GTSE1: variants seen among roughly 807,000 people sequenced by gnomAD.
GTSE1 encodes G2 and S-phase expressed 1.
A neutral mutation model predicts 60.5 loss-of-function variants in GTSE1; 52 were observed. That is an observed-to-expected ratio of 0.86 (90% CI 0.69 to 1.08). The LOEUF (loss-of-function observed/expected upper bound fraction) is 1.08, where lower values mean the gene tolerates loss of function less well. Ranked by LOEUF, GTSE1 falls within the 50% of genes least tolerant of loss-of-function variation. The probability of loss-of-function intolerance (pLI) is 0.00; values close to 1 mark genes in which losing one functional copy is unlikely to be tolerated. For synonymous variants in GTSE1, 368 were observed against 386.5 expected (o/e 0.95, Z 0.56); for missense variants, 937 against 961.8 (o/e 0.97, Z 0.34).
In GTSE1 at chr22:46,297,461, G is replaced by A. The variant is rs1475047167; in HGVS notation, c.61G>A (p.Asp21Asn). Reference sequence around the variant, plus strand: ...CTGCCGGGCAGGGGACGTGAACATGGATGACCCTAAGAAGGAAGGCAAGTC... The same window carrying A: ...CTGCCGGGCAGGGGACGTGAACATGAATGACCCTAAGAAGGAAGGCAAGTC... Reference protein sequence around the residue: ...SACRAGDVNMDDPKKEDILLL... With the variant: ...SACRAGDVNMNDPKKEDILLL... The change falls in exon 2 of 12, where the codon GAT becomes AAT. Residue 21 changes from aspartate (D) to asparagine (N), a missense_variant. Coordinates refer to ENST00000454366, the MANE Select transcript of GTSE1 (RefSeq NM_016426.7). The surrounding 1 kb of genome is among the most constrained non-coding windows in gnomAD (Gnocchi z 4.9). 1.9e-6 allele frequency: 3 copies of A among 1,613,026 alleles called. No individual in the cohort carries two copies. In the African/African-American group the frequency reaches 4.0e-5, roughly 22 times the overall value.
At chr22:46,311,072 T>C (rs1402921160) in intron 4 of GTSE1, among the ~76,000 whole-genome samples, 1 of 151,790 alleles carries the variant, frequency 6.6e-6, no homozygotes, top group Non-Finnish European at 1.5e-5. Context: ...GTTTTTTTTT[T>C]TGTTTTGTTT....
chr22:46,301,866 C>T lies in GTSE1; in HGVS notation c.79+4387C>T, dbSNP rs1053256632. Among the ~76,000 whole-genome samples the T allele has an allele frequency of 2.0e-5, 3 of 152,172 alleles. 1 individual carries two copies. The highest frequency in any genetic ancestry group is 6.3e-3 in the Middle Eastern group (2 of 316). On this transcript the variant is annotated intron_variant, in intron 2 of 11. Transcript: ENST00000454366. ...TGTTTCGGCCAGGTGCGGTGGCTTG[C>T]GCCTGTCATCCCAACACTTTGGGAG...
At chr22:46,326,271 C>T (rs1487638884) in intron 8 of GTSE1, among the ~76,000 whole-genome samples, 165 bp from the exon 9 acceptor site, 4 of 152,168 alleles carry the variant, frequency 2.6e-5, no homozygotes, top group Admixed American at 6.5e-5. Context: ...GAGCCTTGCC[C>T]GCCTTGGGGC....
rs1349278777 is a variant in GTSE1, at chr22:46,308,823, G to A, written c.642G>A (p.Arg214=). ...CGCACTCTGCTCATGCTTTGCCCAG[G>A]GAATCATGCACTGCTCATGCTGCAA... ...GPPHSAHALP[R]ESCTAHAASQ... is the part of the protein sequence containing the mutation. The change falls in exon 4 of 12, where the codon AGG becomes AGA. Residue 214 remains arginine, a synonymous_variant. Transcript: ENST00000454366. The A allele has an allele frequency of 3.1e-6, 5 of 1,613,166 alleles. No homozygotes were observed. The highest frequency in any genetic ancestry group is 1.3e-5 in the African/African-American group (1 of 74,942).
Position 46,321,848 on chromosome 22 carries a change from G to A in GTSE1, c.1433-1342G>A, listed in dbSNP as rs1295129247. On this transcript the variant is annotated intron_variant, in intron 7 of 11. Transcript: ENST00000454366. This position sits in a 1 kb window ranked among gnomAD's most constrained non-coding sequence, Gnocchi z 4.0. ...CCAGCACTTTGGGAGGCCGAGGCGG[G>A]CAATCACTTGAGGTCAGGAGTTCAA... 6.6e-6 allele frequency among the ~76,000 whole-genome samples: 1 copy of A among 152,250 alleles called. No homozygotes were observed. Among genetic ancestry groups the A allele is most frequent in the East Asian group, 1.9e-4 (1 of 5,176 alleles).
chr22:46,321,909 A>G lies in GTSE1; in HGVS notation c.1433-1281A>G, dbSNP rs112179058. Among the ~76,000 whole-genome samples, 3,574 of 152,102 alleles carry G rather than the reference A, an allele frequency of 0.023. 53 individuals are homozygous for G. The highest frequency in any genetic ancestry group is 0.029 in the Non-Finnish European group (2,003 of 67,972). ...GCCAACATGGCAAAACCCTGTCTCT[A>G]CTAACAATACAAAAATTATCCGGGC... is the stretch of plus-strand genomic sequence containing the variant. On this transcript the variant is annotated intron_variant, in intron 7 of 11. Coordinates refer to ENST00000454366, the MANE Select transcript of GTSE1 (RefSeq NM_016426.7). This position sits in a 1 kb window ranked among gnomAD's most constrained non-coding sequence, Gnocchi z 4.0.
chr22:46,297,625 C>G lies in GTSE1; in HGVS notation c.79+146C>G, dbSNP rs2077664983. ...AACACATGACATCTGCCTTCGTTTT[C>G]TGGTTTTCTTTCACCTCCTCCCCAT... On this transcript the variant is annotated intron_variant, in intron 2 of 11. Transcript: ENST00000454366. The surrounding 1 kb of genome is among the most constrained non-coding windows in gnomAD (Gnocchi z 4.9). 1.6e-6 allele frequency: 1 copy of G among 625,152 alleles called. No homozygotes were observed. The highest frequency in any genetic ancestry group is 1.9e-5 in the African/African-American group (1 of 53,976). 38.7% of individuals were successfully genotyped at this position (625,152 alleles called of 1,614,324 possible).
rs2077778258 is a variant in GTSE1 at position 46,316,144 on chromosome 22, C to T, written c.1164C>T (p.Gly388=). The part of the protein sequence containing the change: ...PAMLRPALPA[G]PVGASSWQAK... ...TGCTGCGGCCAGCTCTGCCTGCAGG[C>T]CCTGTGGGGGCATCCTCCTGGCAGG... The change falls in exon 7 of 12, where the codon GGC becomes GGT. Residue 388 remains glycine (G), a synonymous_variant. Transcript: ENST00000454366. This position sits in a 1 kb window ranked among gnomAD's most constrained non-coding sequence, Gnocchi z 5.0. 3 of 1,610,898 alleles carry T rather than the reference C, an allele frequency of 1.9e-6. No individual in the cohort carries two copies. In the African/African-American group the frequency reaches 4.0e-5, roughly 22 times the overall value.
In GTSE1 at chr22:46,326,634, C is replaced by G; in HGVS notation, c.1704C>G (p.Pro568=). ...CAGCTCGGAGACGTTCCTCTGAGCC[C>G]CGCAAGAACTCTGCAATGAGGTAAG... ...CVPARRRSSE[P]RKNSAMRTEP... Residue 568 remains proline, a synonymous_variant, in exon 9 of 12, where the codon CCC becomes CCG. Coordinates refer to ENST00000454366, the MANE Select transcript of GTSE1 (RefSeq NM_016426.7). 1.2e-6 allele frequency: 2 copies of G among 1,610,052 alleles called. No individual in the cohort carries two copies. The highest frequency in any genetic ancestry group is 1.7e-6 in the Non-Finnish European group (2 of 1,177,700).
In GTSE1 at chr22:46,324,537, T is replaced by G. The variant is rs951006848; in HGVS notation, c.1505+1275T>G. 4.6e-5 allele frequency among the ~76,000 whole-genome samples: 7 copies of G among 151,928 alleles called. No individual in the cohort carries two copies. The highest frequency in any genetic ancestry group is 1.7e-4 in the African/African-American group (7 of 41,326). On this transcript the variant is annotated intron_variant, in intron 8 of 11. Transcript: ENST00000454366. The surrounding 1 kb of genome is among the most constrained non-coding windows in gnomAD (Gnocchi z 5.2). ...CGCCCGCCACCACGCCCGGCTAAGT[T>G]TTTGTATTTTTAGTAGAGACGGGGT...
In GTSE1 at chr22:46,308,142, C is replaced by G; in HGVS notation, c.80-8C>G. 1 of 1,595,802 alleles carries G rather than the reference C, an allele frequency of 6.3e-7. No individual in the cohort carries two copies. Among genetic ancestry groups the G allele is most frequent in the Non-Finnish European group, 8.6e-7 (1 of 1,164,318 alleles). Reference sequence around the variant, plus strand: ...GCACTAAAATAACAGTGGATTTTTTCCCTCTAGACATTCTTCTTTTGGCCG... The same window carrying G: ...GCACTAAAATAACAGTGGATTTTTTGCCTCTAGACATTCTTCTTTTGGCCG... On this transcript the variant is annotated splice_region_variant and splice_polypyrimidine_tract_variant and intron_variant, in intron 2 of 11. Coordinates refer to ENST00000454366, the MANE Select transcript of GTSE1 (RefSeq NM_016426.7).
chr22:46,308,811 T>C lies in GTSE1; in HGVS notation c.630T>C (p.His210=). The stretch of plus-strand genomic sequence containing the variant: ...CGCCGGGGCCTCCGCACTCTGCTCA[T>C]GCTTTGCCCAGGGAATCATGCACTG... ...TRAPGPPHSA[H]ALPRESCTAH... is the part of the protein sequence containing the mutation. Residue 210 remains histidine, a synonymous_variant, in exon 4 of 12, where the codon CAT becomes CAC. Transcript: ENST00000454366. 2 of 1,613,286 alleles carry C rather than the reference T, an allele frequency of 1.2e-6. No individual in the cohort carries two copies. The highest frequency in any genetic ancestry group is 1.7e-6 in the Non-Finnish European group (2 of 1,180,004).
intron 9 of GTSE1, 24 bp downstream of exon 9, chr22:46,326,678 A>C: frequency 6.5e-7 from 1 of 1,536,520 alleles, no homozygotes; most frequent in Non-Finnish European, 8.9e-7. Flanking sequence ...GTGGTAATAA[A>C]TTGGTCTCAA....
rs1434298982 is a variant in GTSE1, at chr22:46,313,183, A to C, written c.928-707A>C. On this transcript the variant is annotated intron_variant, in intron 5 of 11. Coordinates refer to ENST00000454366, the MANE Select transcript of GTSE1 (RefSeq NM_016426.7). This position sits in a 1 kb window ranked among gnomAD's most constrained non-coding sequence, Gnocchi z 4.4. ...ACCCTGTCTAAAAAAAAAAAAAAAAAAAAGGAAAAGAAAGAAAATTGCGGT... is the reference window on the plus strand; with the variant it reads ...ACCCTGTCTAAAAAAAAAAAAAAAACAAAGGAAAAGAAAGAAAATTGCGGT... Among the ~76,000 whole-genome samples the C allele has an allele frequency of 6.6e-6, 1 of 151,812 alleles. No homozygotes were observed. The highest frequency in any genetic ancestry group is 1.5e-5 in the Non-Finnish European group (1 of 67,926).
chr22:46,328,812 T>C lies in GTSE1; in HGVS notation c.1849T>C (p.Ser617Pro), dbSNP rs770711712. 1 of 1,614,034 alleles carries C rather than the reference T, an allele frequency of 6.2e-7. No individual in the cohort carries two copies. Among genetic ancestry groups the C allele is most frequent in the South Asian group, 1.1e-5 (1 of 91,082 alleles). Residue 617 changes from serine (S) to proline (P), a missense_variant, in exon 10 of 12, where the codon TCT (serine) becomes CCT (proline). Coordinates refer to ENST00000454366, the MANE Select transcript of GTSE1 (RefSeq NM_016426.7). ...ALNFSPEESD[S>P]TFSKSTATEV... ...TAACTTTTCTCCAGAGGAAAGCGAT[T>C]CTACTTTCTCCAAAAGTACTGCCAC... is the stretch of plus-strand genomic sequence containing the variant.
At chr22:46,306,454 T>C (rs2077715885) in intron 2 of GTSE1, among the ~76,000 whole-genome samples, 1 of 150,978 alleles carries the variant, frequency 6.6e-6, no homozygotes, top group East Asian at 2.0e-4. Context: ...GTGCTGGGAT[T>C]ACAGGCGTGA....
In GTSE1 at chr22:46,314,114, G is replaced by C. The variant is rs2077765120; in HGVS notation, c.1051+101G>C. On this transcript the variant is annotated intron_variant, in intron 6 of 11. Coordinates refer to ENST00000454366, the MANE Select transcript of GTSE1 (RefSeq NM_016426.7). The surrounding 1 kb of genome is among the most constrained non-coding windows in gnomAD (Gnocchi z 7.1). ...TGTTTCTGCAGAACCACTTAGGCTTGGCAGGACGTCCCGGAGGGCGTGCTG... is the reference window on the plus strand; with the variant it reads ...TGTTTCTGCAGAACCACTTAGGCTTCGCAGGACGTCCCGGAGGGCGTGCTG... 3 of 1,462,298 alleles carry C rather than the reference G, an allele frequency of 2.1e-6. No homozygotes were observed. Among genetic ancestry groups the C allele is most frequent in the Admixed American group, 1.7e-5 (1 of 57,954 alleles). 90.6% of individuals were successfully genotyped at this position (1,462,298 alleles called of 1,614,324 possible). A position where few individuals can be genotyped will look rare whatever the true frequency, so the allele number is the denominator to read the frequency against.
chr22:46,300,633 C>T (rs2077684320), intron 2 of GTSE1, among the ~76,000 whole-genome samples: 1 of 152,168 alleles, frequency 6.6e-6, no homozygotes, highest in Admixed American at 6.5e-5. Flanking sequence ...GGGTGGGCTG[C>T]ATGTACCCCA....
rs772573825 is a variant in GTSE1 at position 46,329,583 on chromosome 22, T to C, written c.2136+16T>C. The C allele has an allele frequency of 4.6e-5, 73 of 1,599,776 alleles. No individual in the cohort carries two copies. Among genetic ancestry groups the C allele is most frequent in the Middle Eastern group, 1.7e-4 (1 of 5,952 alleles). On this transcript the variant is annotated intron_variant, in intron 11 of 11. Coordinates refer to ENST00000454366, the MANE Select transcript of GTSE1 (RefSeq NM_016426.7). This position sits in a 1 kb window ranked among gnomAD's most constrained non-coding sequence, Gnocchi z 6.4. Reference sequence around the variant, plus strand: ...GGTGGGACAGGTGAGAAGTGGCAGGTGGTTCATGTTGACTCAGCCCTGGGT... The same window carrying C: ...GGTGGGACAGGTGAGAAGTGGCAGGCGGTTCATGTTGACTCAGCCCTGGGT...
Sources: gnomAD v4.1 joint callset for allele counts (sites outside exome capture counted in the v4.1 genomes callset) on GRCh38, gnomAD v4.1.1 for gene constraint, Gnocchi (gnomAD v3.1) non-coding constraint, MANE v1.5 for transcripts, NCBI Gene and HGNC (gene_info 2026-07-23, HGNC 2026-07-21) for gene names.